The following AHI1 variants were observed in gnomAD, a reference collection of about 807,000 sequenced individuals.
AHI1 encodes the protein Abelson helper integration site 1, also known as jouberin.
Under a neutral mutation model 149.3 loss-of-function variants are expected in AHI1, and 123 were observed. The observed-to-expected ratio is 0.82, with a 90% CI of 0.71 to 0.96. The LOEUF is 0.96. Among genes scored for constraint, AHI1 ranks in the 40% least tolerant of loss-of-function variants. The pLI, the probability that AHI1 is intolerant of heterozygous loss-of-function variation, is 0.00. For missense variants in AHI1, 1,439 were observed against 1,422.7 expected (o/e 1.01, Z -0.18); for synonymous variants, 475 against 459.8 (o/e 1.03, Z -0.42).
Position 135,358,764 on chromosome 6 carries a change from G to A in AHI1, c.3110-577C>T, listed in dbSNP as rs183902085. Among the ~76,000 whole-genome samples the A allele has an allele frequency of 2.0e-5, 3 of 152,192 alleles. No individual in the cohort carries two copies. In the East Asian group the frequency reaches 5.8e-4, roughly 29 times the overall value. ...ATCTTGAGAAATATTCTTTTATCAT[G>A]TGTGGATTTATCTTTTTGTTCCCAA... On this transcript the variant is annotated intron_variant, in intron 23 of 28. Coordinates refer to ENST00000265602, the MANE Select transcript of AHI1 (RefSeq NM_001134831.2).
At chr6:135,358,330 C>T in intron 23 of AHI1, 143 bp from the exon 24 acceptor site, 2 of 727,608 alleles carry the variant, frequency 2.7e-6, no homozygotes, top group Admixed American at 2.3e-5. Flanking sequence ...AGGCAAGATC[C>T]TTTTAAGATG....
Position 135,466,286 on chromosome 6 carries a change from T to C in AHI1, c.277A>G (p.Ser93Gly). ...SAANTNNLKK[S>G]TRVTKNKLRN... The stretch of plus-strand genomic sequence containing the variant: ...AATTTGTTTTTAGTGACTCTCGTGC[T>C]CTTCTTCAGGTTGTTAGTGTTAGCA... The change falls in exon 7 of 29, where the codon AGC becomes GGC. Residue 93 changes from serine to glycine, a missense_variant. Transcript: ENST00000265602. 6.2e-7 allele frequency: 1 copy of C among 1,613,978 alleles called. No individual in the cohort carries two copies. Among genetic ancestry groups the C allele is most frequent in the Non-Finnish European group, 8.5e-7 (1 of 1,179,866 alleles).
chr6:135,355,847 T>G (rs1792873806), intron 24 of AHI1, among the ~76,000 whole-genome samples: 1 of 152,058 alleles, frequency 6.6e-6, no homozygotes, highest in African/African-American at 2.4e-5. Flanking sequence ...TGCAGTGAAC[T>G]GAGATTGCGC....
intron 3 of AHI1, among the ~76,000 whole-genome samples, chr6:135,495,127 G>C (rs1795789789): frequency 6.6e-6 from 1 of 151,972 alleles, no homozygotes. Flanking sequence ...AAACACTGTG[G>C]AAGGATTATG....
At chr6:135,475,820 G>C (rs570641583) in intron 5 of AHI1, among the ~76,000 whole-genome samples, 2 of 152,230 alleles carry the variant, frequency 1.3e-5, no homozygotes, top group African/African-American at 2.4e-5. Context: ...GTAATAAATG[G>C]TGTGGGTATA....
At chr6:135,290,062 T>C (rs965538836) in intron 28 of AHI1, among the ~76,000 whole-genome samples, 1 of 152,118 alleles carries the variant, frequency 6.6e-6, no homozygotes, top group African/African-American at 2.4e-5. Flanking sequence ...CTCTTTCCTC[T>C]CAGTTTGTAA....
Position 135,328,096 on chromosome 6 carries a change from G to C in AHI1, c.3166-4772C>G, listed in dbSNP as rs564089072. ...TGTACTTGTGAATGGTGCCTGGGGT[G>C]GGGGGCAGTCTTGGGGACTGAGCCC... On this transcript the variant is annotated intron_variant, in intron 24 of 28. Transcript: ENST00000265602. Among the ~76,000 whole-genome samples the C allele has an allele frequency of 3.3e-5, 5 of 152,260 alleles. No individual in the cohort carries two copies. The South Asian group carries it at 1.0e-3, about 32-fold the overall frequency.
At chr6:135,352,757 T>C (rs1396663298) in intron 24 of AHI1, among the ~76,000 whole-genome samples, 2 of 149,274 alleles carry the variant, frequency 1.3e-5, no homozygotes, top group Non-Finnish European at 3.0e-5. Context: ...CACACACATA[T>C]ATATATGTGT....
chr6:135,324,976 T>C (rs1043078213), intron 24 of AHI1, among the ~76,000 whole-genome samples: 3 of 152,134 alleles, frequency 2.0e-5, no homozygotes, highest in Non-Finnish European at 4.4e-5. Context: ...TAGCATAGTA[T>C]CTAATTTACA....
At chr6:135,479,790 C>A (rs552608166) in intron 5 of AHI1, among the ~76,000 whole-genome samples, 1 of 152,232 alleles carries the variant, frequency 6.6e-6, no homozygotes, top group East Asian at 1.9e-4. Flanking sequence ...TGTGTATCCA[C>A]CCAAATCTCA....
At chr6:135,369,307 A>G (rs1774679592) in intron 23 of AHI1, among the ~76,000 whole-genome samples, 1 of 152,138 alleles carries the variant, frequency 6.6e-6, no homozygotes, top group African/African-American at 2.4e-5. Flanking sequence ...CCCCTCTAAC[A>G]GGTCTGTGGA....
chr6:135,480,933 A>G (rs1171934192), intron 5 of AHI1, among the ~76,000 whole-genome samples: 2 of 152,228 alleles, frequency 1.3e-5, no homozygotes, highest in Non-Finnish European at 2.9e-5. Flanking sequence ...GAATCTAACT[A>G]ATACCTGATG....
intron 5 of AHI1, among the ~76,000 whole-genome samples, chr6:135,469,060 A>C (rs973200359): frequency 7.9e-5 from 12 of 152,180 alleles, no homozygotes; most frequent in African/African-American, 2.7e-4. Context: ...CAAAGAAAGA[A>C]AAAACAGTTA....
intron 27 of AHI1, among the ~76,000 whole-genome samples, chr6:135,297,106 C>T (rs1490288875): frequency 6.6e-6 from 1 of 152,190 alleles, no homozygotes; most frequent in East Asian, 1.9e-4. Flanking sequence ...GCATCGAGGT[C>T]TAGGACAAGA....
chr6:135,323,600 T>C (rs1014173288), intron 24 of AHI1, among the ~76,000 whole-genome samples: 3 of 152,186 alleles, frequency 2.0e-5, no homozygotes, highest in African/African-American at 7.2e-5. Flanking sequence ...GTAAATTACT[T>C]GTGAAGCAAA....
At chr6:135,330,979 G>A (rs1049900930) in intron 24 of AHI1, among the ~76,000 whole-genome samples, 1 of 152,104 alleles carries the variant, frequency 6.6e-6, no homozygotes, top group African/African-American at 2.4e-5. Flanking sequence ...GTTCTATAAA[G>A]CAGTTAGGTG....
intron 15 of AHI1, among the ~76,000 whole-genome samples, chr6:135,437,713 T>G (rs1785623047): frequency 6.6e-6 from 1 of 152,200 alleles, no homozygotes; most frequent in Admixed American, 6.5e-5. Flanking sequence ...ATGTCTTACC[T>G]AATAGCTGTA....
chr6:135,367,485 A>G (rs1392759475), intron 23 of AHI1, among the ~76,000 whole-genome samples: 1 of 152,004 alleles, frequency 6.6e-6, no homozygotes, highest in Non-Finnish European at 1.5e-5. Context: ...TCTTCCAGGA[A>G]CACCAATTAT....
intron 23 of AHI1, among the ~76,000 whole-genome samples, chr6:135,365,887 C>T (rs2128449289): frequency 6.6e-6 from 1 of 152,244 alleles, no homozygotes; most frequent in South Asian, 2.1e-4. Context: ...TGTCTTGTTC[C>T]AGTTCTCAGG....
Sources: allele counts gnomAD v4.1 joint callset (sites outside exome capture counted in the v4.1 genomes callset), GRCh38; gene constraint gnomAD v4.1.1; transcripts MANE v1.5; gene names NCBI Gene and HGNC (gene_info 2026-07-23, HGNC 2026-07-21).